Variants in RASA3 observed in about 807,000 individuals in gnomAD.
RASA3 encodes ras GTPase-activating protein 3.
Under a neutral mutation model 110.0 loss-of-function variants are expected in RASA3, and 73 were observed. The observed-to-expected ratio is 0.66, with a 90% CI of 0.55 to 0.81. The LOEUF is 0.81. Among genes scored for constraint, RASA3 ranks in the 30% least tolerant of loss-of-function variants. The pLI, the probability that RASA3 is intolerant of heterozygous loss-of-function variation, is 0.00. For missense variants in RASA3, 976 were observed against 1,113.2 expected (o/e 0.88, Z 1.75); for synonymous variants, 500 against 451.4 (o/e 1.11, Z -1.37).
chr13:113,991,833 CCCT>C (rs2053121188), intron 22 of RASA3, among the ~76,000 whole-genome samples: 2 of 151,850 alleles, frequency 1.3e-5, no homozygotes, highest in Middle Eastern at 3.5e-3. Flanking sequence ...CTCACACGTG[CCCT>C]CATGTTTCCA....
At chr13:114,024,717 C>T (rs978908414) in intron 7 of RASA3, among the ~76,000 whole-genome samples, 5 of 152,222 alleles carry the variant, frequency 3.3e-5, no homozygotes, top group East Asian at 1.9e-4. Flanking sequence ...TCCCCTCTGC[C>T]GTGGAGACGA....
In RASA3 at chr13:114,030,364, GCTCACACAGAGGGCAAGA is replaced by G. The variant is rs1177649721; in HGVS notation, c.373-495_373-478del. On this transcript the variant is annotated intron_variant, in intron 4 of 23. Transcript: ENST00000334062. The stretch of plus-strand genomic sequence containing the variant: ...TCGGAGAGCTCACACAGAGGGCAAG[GCTCACACAGAGGGCAAGA>G]CTCACACAGGAGGCAAGACTCACGC... 2.1e-3 allele frequency among the ~76,000 whole-genome samples: 288 copies of G among 135,512 alleles called. 3 individuals are homozygous for G. The highest frequency in any genetic ancestry group is 8.8e-3 in the African/African-American group (282 of 32,182). The allele number at this position is 135,512 out of a possible 152,430, so 88.9% of individuals were successfully genotyped here.
chr13:114,017,325 T>A lies in RASA3; in HGVS notation c.1118A>T (p.Asn373Ile), dbSNP rs1432064508. The A allele has an allele frequency of 1.2e-6, 2 of 1,613,746 alleles. No homozygotes were observed. The highest frequency in any genetic ancestry group is 1.7e-6 in the Non-Finnish European group (2 of 1,180,002). Reference protein sequence around the residue: ...TQDPNTIFRGNSLASKCIDET... With the variant: ...TQDPNTIFRGISLASKCIDET... ...GTCGATGCACTTGGACGCCAGTGAG[T>A]TTCCTCGGAAGATGGTGTTGGGGTC... Residue 373 changes from asparagine to isoleucine, a missense_variant, in exon 12 of 24, where the codon AAC becomes ATC. Transcript: ENST00000334062.
At chr13:113,999,120 C>T (rs1194869451) in intron 20 of RASA3, among the ~76,000 whole-genome samples, 1 of 44,542 alleles carries the variant, frequency 2.2e-5, no homozygotes. Flanking sequence ...CCGGGTCAAG[C>T]GTGACCGGGG....
rs1471482796 is a variant in RASA3, at chr13:114,115,236, C to T, written c.55+17199G>A. On this transcript the variant is annotated intron_variant, in intron 1 of 23. Coordinates refer to ENST00000334062, the MANE Select transcript of RASA3 (RefSeq NM_007368.4). The surrounding 1 kb of genome is among the most constrained non-coding windows in gnomAD (Gnocchi z 5.0). ...TGTCCAGCGGTAACATGTTTACGGTCCCTGTGCCGCCGTGCGGTAGCAGTT... is the reference window on the plus strand; with the variant it reads ...TGTCCAGCGGTAACATGTTTACGGTTCCTGTGCCGCCGTGCGGTAGCAGTT... Among the ~76,000 whole-genome samples, 2 of 152,228 alleles carry T rather than the reference C, an allele frequency of 1.3e-5. No individual in the cohort carries two copies. The highest frequency in any genetic ancestry group is 2.4e-5 in the African/African-American group (1 of 41,460).
chr13:114,018,278 C>G, intron 10 of RASA3, 26 bp from the exon 11 acceptor site: 2 of 1,543,552 alleles, frequency 1.3e-6, no homozygotes, highest in South Asian at 2.4e-5. Flanking sequence ...AGGTCAGTGC[C>G]AGGGCCCGGG....
chr13:114,024,408 G>T (rs1005951793), intron 7 of RASA3, 53 bp from the exon 8 acceptor site: 2 of 1,543,528 alleles, frequency 1.3e-6, no homozygotes, highest in Non-Finnish European at 1.8e-6. Context: ...CCAGGCGGGG[G>T]TATATGCGGA....
chr13:114,015,908 G>A (rs909528020), intron 13 of RASA3, among the ~76,000 whole-genome samples: 2 of 151,894 alleles, frequency 1.3e-5, no homozygotes, highest in African/African-American at 4.8e-5. Context: ...CAGACCCTCC[G>A]GGGGGGCAGA....
At chr13:114,040,834 G>C (rs539796822) in intron 4 of RASA3, among the ~76,000 whole-genome samples, 166 bp downstream of exon 4, 1 of 152,224 alleles carries the variant, frequency 6.6e-6, no homozygotes, top group East Asian at 1.9e-4. Context: ...GGCGGAGCCC[G>C]CGCTCACTCC....
chr13:114,037,344 G>GA (rs1168295075), intron 4 of RASA3, among the ~76,000 whole-genome samples: 6 of 152,172 alleles, frequency 3.9e-5, no homozygotes, highest in Admixed American at 2.6e-4. Flanking sequence ...GCCTTGGAAG[G>GA]AAGGAGGTTC....
At chr13:114,111,046 CG>C (rs2080212033) in intron 1 of RASA3, among the ~76,000 whole-genome samples, 1 of 66,796 alleles carries the variant, frequency 1.5e-5, no homozygotes, top group South Asian at 5.5e-4. Flanking sequence ...AGCTGCAGGC[CG>C]AGTTCTAACG....
chr13:114,098,169 C>A (rs1351992703), intron 1 of RASA3, among the ~76,000 whole-genome samples: 2 of 152,144 alleles, frequency 1.3e-5, no homozygotes, highest in African/African-American at 4.8e-5. Context: ...AAAGACACAG[C>A]ACACAGGGCT....
At chr13:114,040,871 T>C (rs576774445) in intron 4 of RASA3, 129 bp downstream of exon 4, 2 of 854,954 alleles carry the variant, frequency 2.3e-6, no homozygotes, top group African/African-American at 1.7e-5. Flanking sequence ...ACACGCAATC[T>C]GCTCATCGTT....
chr13:114,004,648 C>T (rs80040382), intron 18 of RASA3, among the ~76,000 whole-genome samples: 2 of 152,320 alleles, frequency 1.3e-5, no homozygotes, highest in East Asian at 1.9e-4. Flanking sequence ...ATGACAGACG[C>T]TGCAGAGCTG....
chr13:113,980,071 ATGTGTGTG>A (rs2052880650), intron 23 of RASA3, among the ~76,000 whole-genome samples: 1 of 101,864 alleles, frequency 9.8e-6, no homozygotes, highest in African/African-American at 3.9e-5. Context: ...ACCTCCTCCC[ATGTGTGTG>A]CACCACCTCC....
rs71210910 is a variant in RASA3, at chr13:114,014,020, A to ATCTC, written c.1406-776_1406-773dup. Among the ~76,000 whole-genome samples the ATCTC allele has an allele frequency of 3.7e-3, 151 of 40,600 alleles. 2 individuals are homozygous for ATCTC. The highest frequency in any genetic ancestry group is 0.013 in the African/African-American group (67 of 5,124). 26.6% of individuals were successfully genotyped at this position (40,600 alleles called of 152,430 possible). A position where few individuals can be genotyped will look rare whatever the true frequency, so the allele number is the denominator to read the frequency against. On this transcript the variant is annotated intron_variant, in intron 14 of 23. Coordinates refer to ENST00000334062, the MANE Select transcript of RASA3 (RefSeq NM_007368.4). This position sits in a 1 kb window ranked among gnomAD's most constrained non-coding sequence, Gnocchi z 4.5. ...TCTCCGTCTGTCTCTGTCTCTCTCC[A>ATCTC]TCTCTCTCTCTCCGTCTCTATCTCT...
intron 1 of RASA3, among the ~76,000 whole-genome samples, chr13:114,120,547 T>C (rs1298647063): frequency 2.9e-5 from 3 of 104,790 alleles, no homozygotes; most frequent in African/African-American, 1.1e-4. Flanking sequence ...CCTCCCTCTC[T>C]CCAGCCAGGC....
At chr13:114,020,549 C>T (rs55677075) in intron 9 of RASA3, among the ~76,000 whole-genome samples, 1 of 152,216 alleles carries the variant, frequency 6.6e-6, no homozygotes, top group South Asian at 2.1e-4. Flanking sequence ...ACATGGGGTG[C>T]GAGGCCCCGG....
intron 1 of RASA3, among the ~76,000 whole-genome samples, chr13:114,090,303 T>C (rs1168793855): frequency 3.3e-5 from 5 of 152,224 alleles, no homozygotes; most frequent in African/African-American, 1.2e-4. Context: ...TGTTACTGTC[T>C]TTTTGGTTAT....
Sources: allele counts gnomAD v4.1 joint callset (sites outside exome capture counted in the v4.1 genomes callset), GRCh38; gene constraint gnomAD v4.1.1; non-coding constraint Gnocchi (gnomAD v3.1); transcripts MANE v1.5; gene names NCBI Gene and HGNC (gene_info 2026-07-23, HGNC 2026-07-21).